The following MYH13 variants were observed in gnomAD, a reference collection of about 807,000 sequenced individuals.
The protein encoded by MYH13 is myosin heavy chain 13.
Under a neutral mutation model 232.1 loss-of-function variants are expected in MYH13, and 177 were observed. That is an observed-to-expected ratio of 0.76 (90% CI 0.67 to 0.86). The LOEUF (loss-of-function observed/expected upper bound fraction) is 0.86. Ranked by LOEUF, MYH13 falls within the 40% of genes least tolerant of loss-of-function variation. The pLI, the probability that MYH13 is intolerant of heterozygous loss-of-function variation, is 0.00. For synonymous variants in MYH13, 884 were observed against 923.5 expected, an observed-to-expected ratio of 0.96 and a Z score of 0.78; for missense variants, 2,246 against 2,405.9, an observed-to-expected ratio of 0.93 and a Z score of 1.39.
At position 10,366,381 on chromosome 17, in the gene MYH13, G is replaced by GTTTTTTTTTTTTTTT. The variant is rs56798899; in HGVS notation, c.-12-1854_-12-1840dup. On this transcript the variant is annotated intron_variant, in intron 2 of 40. Coordinates refer to ENST00000252172, the MANE Select transcript of MYH13 (RefSeq NM_003802.3). ...CATATCTCTCTTAAGAAATAAATCT[G>GTTTTTTTTTTTTTTT]TTTTTTTTTTTTTTTTTGAGATGGA... 5.0e-3 allele frequency among the ~76,000 whole-genome samples: 561 copies of GTTTTTTTTTTTTTTT among 112,562 alleles called. 42 individuals are homozygous for GTTTTTTTTTTTTTTT. The highest frequency in any genetic ancestry group is 7.9e-3 in the Non-Finnish European group (419 of 53,072). The allele number at this position is 112,562 out of a possible 152,430, so 73.8% of individuals were successfully genotyped here.
chr17:10,344,064 T>C lies in MYH13; in HGVS notation c.1630A>G (p.Lys544Glu). 1.2e-6 allele frequency: 2 copies of C among 1,614,158 alleles called. No individual in the cohort carries two copies. Among genetic ancestry groups the C allele is most frequent in the Admixed American group, 1.7e-5 (1 of 60,022 alleles). Residue 544 changes from lysine to glutamate, a missense_variant, in exon 16 of 41, where the codon AAG becomes GAG. By Grantham distance (56) the Lys-to-Glu change is moderately conservative. Coordinates refer to ENST00000252172, the MANE Select transcript of MYH13 (RefSeq NM_003802.3). ...TTCTTGAAGGAGGTGTCTGTTGCCT[T>C]GGGGAACATGCACTCCTCTTCCAGG... The part of the protein sequence containing the change: ...SILEEECMFP[K>E]ATDTSFKNKL...
chr17:10,339,884 T>C (rs1369129257), intron 18 of MYH13, among the ~76,000 whole-genome samples: 1 of 152,248 alleles, frequency 6.6e-6, no homozygotes, highest in Admixed American at 6.5e-5. Context: ...ATTTATGGGG[T>C]ACACATGATA....
In MYH13 at chr17:10,306,075, A is replaced by C. The variant is rs555863205; in HGVS notation, c.5466+384T>G. ...TTGGTCCAAAATGTAAATGCATCAA[A>C]ATGAGTAATTTTATGACTGTAGAGT... On this transcript the variant is annotated intron_variant, in intron 37 of 40. Transcript: ENST00000252172. This position sits in a 1 kb window ranked among gnomAD's most constrained non-coding sequence, Gnocchi z 4.3. Among the ~76,000 whole-genome samples, 1 of 152,328 alleles carries C rather than the reference A, an allele frequency of 6.6e-6. No individual in the cohort carries two copies. The highest frequency in any genetic ancestry group is 1.9e-4 in the East Asian group (1 of 5,188).
chr17:10,323,410 T>C (rs971287655), intron 23 of MYH13, among the ~76,000 whole-genome samples: 2 of 152,060 alleles, frequency 1.3e-5, no homozygotes, highest in African/African-American at 2.4e-5. Flanking sequence ...AAGAAGAATA[T>C]GAAACAGTCC....
intron 2 of MYH13, among the ~76,000 whole-genome samples, chr17:10,369,825 G>T (rs941394605): frequency 2.6e-5 from 4 of 152,096 alleles, no homozygotes; most frequent in African/African-American, 9.7e-5. Flanking sequence ...ATACTTTTAG[G>T]CACAACTCTT....
At chr17:10,347,409 A>AAT (rs1398114055) in intron 12 of MYH13, among the ~76,000 whole-genome samples, 4 of 152,184 alleles carry the variant, frequency 2.6e-5, no homozygotes, top group African/African-American at 4.8e-5. Flanking sequence ...GGAGTCTGAC[A>AAT]ATACGTTAAA....
chr17:10,340,346 G>C lies in MYH13; in HGVS notation c.1950C>G (p.Thr650=), dbSNP rs769463392. The C allele has an allele frequency of 6.2e-7, 1 of 1,613,758 alleles. No homozygotes were observed. The highest frequency in any genetic ancestry group is 1.3e-5 in the African/African-American group (1 of 74,870). Residue 650 remains threonine (T), a synonymous_variant, in exon 17 of 41, where the codon ACC becomes ACG. Transcript: ENST00000252172. ...GGKKKGSSFQ[T]VSAVFRENLN... ...CACCAACCCTGAACACGGCCGACAC[G>C]GTCTGGAAAGAGGAGCCCTTCTTCT...
At position 10,332,117 on chromosome 17, in the gene MYH13, G is replaced by A. The variant is rs1907426463; in HGVS notation, c.2280C>T (p.Phe760=). The stretch of plus-strand genomic sequence containing the variant: ...TGCTCACCTTGGTGTTGCCGAACCT[G>A]AACTGCTCCCGGTCCACATCGATGG... ...LNSIDVDREQ[F]RFGNTKVFFK... Residue 760 remains phenylalanine, a synonymous_variant, in exon 20 of 41, where the codon TTC becomes TTT. Coordinates refer to ENST00000252172, the MANE Select transcript of MYH13 (RefSeq NM_003802.3). The A allele has an allele frequency of 6.2e-7, 1 of 1,613,838 alleles. No individual in the cohort carries two copies. The highest frequency in any genetic ancestry group is 1.3e-5 in the African/African-American group (1 of 74,912).
chr17:10,364,133 C>T (rs1483989721), intron 3 of MYH13, among the ~76,000 whole-genome samples, 194 bp downstream of exon 3: 2 of 152,184 alleles, frequency 1.3e-5, no homozygotes, highest in Non-Finnish European at 2.9e-5. Context: ...AGCCCAAGTC[C>T]TTGGAGAAGG....
At position 10,327,852 on chromosome 17, in the gene MYH13, T is replaced by C. The variant is rs372243959; in HGVS notation, c.2691+14A>G. ...AGAGTCTGTGTTTTGCGTTCTCAAG[T>C]AGAAGGTACTTACAGACTGGACCTG... On this transcript the variant is annotated intron_variant, in intron 22 of 40. Coordinates refer to ENST00000252172, the MANE Select transcript of MYH13 (RefSeq NM_003802.3). 12 of 1,603,286 alleles carry C rather than the reference T, an allele frequency of 7.5e-6. No homozygotes were observed. Among genetic ancestry groups the C allele is most frequent in the Non-Finnish European group, 9.3e-6 (11 of 1,177,446 alleles).
At chr17:10,370,224 C>G (rs558782701) in intron 2 of MYH13, among the ~76,000 whole-genome samples, 2 of 152,254 alleles carry the variant, frequency 1.3e-5, no homozygotes, top group East Asian at 3.9e-4. Context: ...CGCACCACTC[C>G]GTGTCGAGCA....
intron 11 of MYH13, among the ~76,000 whole-genome samples, chr17:10,353,472 G>T (rs564179209): frequency 3.3e-5 from 5 of 152,264 alleles, no homozygotes; most frequent in African/African-American, 1.2e-4. Context: ...TGAAGCTTTT[G>T]TATGGGTGGA....
At chr17:10,327,798 T>G in intron 22 of MYH13, 68 bp downstream of exon 22, 1 of 1,570,916 alleles carries the variant, frequency 6.4e-7, no homozygotes, top group Non-Finnish European at 8.6e-7. Flanking sequence ...GATGGCGCCC[T>G]CAATGTTCCT....
rs1287742422 is a variant in MYH13, at chr17:10,300,937, G to A, written c.*14C>T. On this transcript the variant is annotated 3_prime_UTR_variant, in exon 41 of 41. Transcript: ENST00000252172. ...TCTCGGAGGTGTCCCATGGCAACGA[G>A]CATCAGGTGAGCCTCATTCTTCCAT... is the stretch of plus-strand genomic sequence containing the variant. 1 of 1,612,182 alleles carries A rather than the reference G, an allele frequency of 6.2e-7. No homozygotes were observed. Among genetic ancestry groups the A allele is most frequent in the Non-Finnish European group, 8.5e-7 (1 of 1,178,990 alleles).
At chr17:10,367,614 G>A (rs1348570983) in intron 2 of MYH13, among the ~76,000 whole-genome samples, 4 of 152,148 alleles carry the variant, frequency 2.6e-5, no homozygotes, top group Non-Finnish European at 5.9e-5. Flanking sequence ...TTCCCAAAGT[G>A]CTGGGATTAA....
chr17:10,364,769 C>T (rs1021534024), intron 2 of MYH13, among the ~76,000 whole-genome samples: 7 of 149,432 alleles, frequency 4.7e-5, no homozygotes, highest in African/African-American at 1.5e-4. Context: ...TTTTTTTTAT[C>T]CTCTGAGTGT....
At position 10,301,461 on chromosome 17, in the gene MYH13, G is replaced by A. The variant is rs1023623193; in HGVS notation, c.5802+108C>T. On this transcript the variant is annotated intron_variant, in intron 40 of 40. Coordinates refer to ENST00000252172, the MANE Select transcript of MYH13 (RefSeq NM_003802.3). ...CTCTTACCTGGTCCCCACATCTCAG[G>A]TACCTGCCCTTATCTGGCCTCCCAC... The A allele has an allele frequency of 2.0e-5, 30 of 1,523,730 alleles. No individual in the cohort carries two copies. The African/African-American group carries it at 3.0e-4, about 15-fold the overall frequency. 94.4% of individuals were successfully genotyped at this position (1,523,730 alleles called of 1,614,324 possible). A position where few individuals can be genotyped will look rare whatever the true frequency, so the allele number is the denominator to read the frequency against.
chr17:10,362,578 AAGT>A, intron 3 of MYH13, 75 bp from the exon 4 acceptor site: 1 of 1,574,700 alleles, frequency 6.4e-7, no homozygotes, highest in Non-Finnish European at 8.7e-7. Context: ...GGTGTGGTGG[AAGT>A]AGTGAGATAT....
At chr17:10,351,720 GC>G (rs2071712113) in intron 11 of MYH13, among the ~76,000 whole-genome samples, 1 of 152,170 alleles carries the variant, frequency 6.6e-6, no homozygotes, top group South Asian at 2.1e-4. Context: ...TAGGGTCATT[GC>G]TGGTTTGGTT....
Sources: gnomAD v4.1 joint callset for allele counts (sites outside exome capture counted in the v4.1 genomes callset) on GRCh38, gnomAD v4.1.1 for gene constraint, Gnocchi (gnomAD v3.1) non-coding constraint, MANE v1.5 for transcripts, NCBI Gene and HGNC (gene_info 2026-07-23, HGNC 2026-07-21) for gene names.